The following SMG9 variants were observed in gnomAD, a reference collection of about 807,000 sequenced individuals.
SMG9 encodes nonsense-mediated mRNA decay factor SMG9.
SMG9 carries 55 observed loss-of-function variants against 64.0 expected under a neutral mutation model. The observed-to-expected ratio is 0.86, with a 90% CI of 0.69 to 1.08. The LOEUF is 1.08. Ranked by LOEUF, SMG9 falls within the 50% of genes least tolerant of loss-of-function variation. SMG9 has a pLI of 0.00. For synonymous variants in SMG9, 244 were observed against 254.8 expected (o/e 0.96, Z 0.41); for missense variants, 554 against 681.3 (o/e 0.81, Z 2.08).
intron 1 of SMG9, among the ~76,000 whole-genome samples, chr19:43,753,768 G>A (rs1969266305): frequency 6.6e-6 from 1 of 151,952 alleles, no homozygotes; most frequent in African/African-American, 2.4e-5. Context: ...GCCTCCCTGT[G>A]CCCTTTATTC....
chr19:43,737,785 G>T, intron 8 of SMG9, 103 bp from the exon 9 acceptor site: 1 of 1,128,872 alleles, frequency 8.9e-7, no homozygotes, highest in Non-Finnish European at 1.3e-6. Context: ...AAGGCAAGGA[G>T]CCTTCAAGCA....
intron 9 of SMG9, among the ~76,000 whole-genome samples, chr19:43,736,196 T>G (rs1167276014): frequency 6.6e-6 from 1 of 152,262 alleles, no homozygotes; most frequent in African/African-American, 2.4e-5. Flanking sequence ...TAACAGGGAC[T>G]AAGCTGAATG....
In SMG9 at chr19:43,731,255, G is replaced by A; in HGVS notation, c.*341C>T. 9.0e-7 allele frequency: 1 copy of A among 1,105,830 alleles called. No individual in the cohort carries two copies. Among genetic ancestry groups the A allele is most frequent in the South Asian group, 3.0e-5 (1 of 33,330 alleles). The allele number at this position is 1,105,830 out of a possible 1,614,324, so 68.5% of individuals were successfully genotyped here. On this transcript the variant is annotated 3_prime_UTR_variant, in exon 14 of 14. Transcript: ENST00000270066. ...GAAGGGCTTAGAGTCAGGGAAGAGGGGCCTGTTGCTCCTGTCCCTGAAAAA... is the reference window on the plus strand; with the variant it reads ...GAAGGGCTTAGAGTCAGGGAAGAGGAGCCTGTTGCTCCTGTCCCTGAAAAA...
At chr19:43,750,535 G>A (rs1188334515) in intron 2 of SMG9, 57 bp downstream of exon 2, 12 of 1,542,056 alleles carry the variant, frequency 7.8e-6, no homozygotes, top group South Asian at 3.7e-5. Flanking sequence ...CTGGCACATG[G>A]CAGGTGCGTG....
At chr19:43,750,105 C>T in intron 2 of SMG9, 1 of 519,472 alleles carries the variant, frequency 1.9e-6, no homozygotes, top group South Asian at 1.4e-5. Context: ...TATGGCACCT[C>T]TCAGCTCAAA....
intron 2 of SMG9, among the ~76,000 whole-genome samples, 157 bp downstream of exon 2, chr19:43,750,435 G>T (rs944103626): frequency 6.6e-6 from 1 of 152,200 alleles, no homozygotes; most frequent in Non-Finnish European, 1.5e-5. Context: ...ATGTTATCTA[G>T]AACAGTCTCC....
chr19:43,744,379 T>A (rs1214596068), intron 6 of SMG9, among the ~76,000 whole-genome samples: 1 of 152,198 alleles, frequency 6.6e-6, no homozygotes, highest in Non-Finnish European at 1.5e-5. Flanking sequence ...GATCTTATTT[T>A]ATTCTCCAAA....
chr19:43,734,154 C>G, intron 10 of SMG9: 1 of 564,718 alleles, frequency 1.8e-6, no homozygotes, highest in Non-Finnish European at 3.2e-6. Flanking sequence ...GGGGCCTGTC[C>G]CATTCCAGAC....
Position 43,731,532 on chromosome 19 carries a change from T to A in SMG9, c.*64A>T. 6.2e-7 allele frequency: 1 copy of A among 1,606,106 alleles called. No individual in the cohort carries two copies. Among genetic ancestry groups the A allele is most frequent in the South Asian group, 1.1e-5 (1 of 90,640 alleles). On this transcript the variant is annotated 3_prime_UTR_variant, in exon 14 of 14. Coordinates refer to ENST00000270066, the MANE Select transcript of SMG9 (RefSeq NM_019108.4). ...TCCACCCCAGCGGGGGATGGACATC[T>A]GTGCTCCCTCGCAGTACACTGCGGA...
At chr19:43,752,711 A>T (rs953092028) in intron 1 of SMG9, among the ~76,000 whole-genome samples, 5 of 152,100 alleles carry the variant, frequency 3.3e-5, no homozygotes, top group Admixed American at 2.6e-4. Flanking sequence ...CAGCTTGGGC[A>T]ACATAGCAAG....
chr19:43,738,228 G>A lies in SMG9; in HGVS notation c.814-11C>T, dbSNP rs751628206. On this transcript the variant is annotated splice_polypyrimidine_tract_variant and intron_variant, in intron 7 of 13. Transcript: ENST00000270066. Reference sequence around the variant, plus strand: ...AGGGCTCAGGATGGGCTGCAGCAAGGAAGAGAACAGAGTGTCACTCAGATA... The same window carrying A: ...AGGGCTCAGGATGGGCTGCAGCAAGAAAGAGAACAGAGTGTCACTCAGATA... The A allele has an allele frequency of 1.1e-5, 18 of 1,612,442 alleles. No individual in the cohort carries two copies. In the South Asian group the frequency reaches 1.9e-4, roughly 17 times the overall value.
chr19:43,735,389 G>A (rs894637658), intron 9 of SMG9, among the ~76,000 whole-genome samples: 6 of 152,008 alleles, frequency 3.9e-5, no homozygotes, highest in East Asian at 3.9e-4. Flanking sequence ...GAGCTGAGGC[G>A]GGCAGATCAC....
chr19:43,737,713 G>A lies in SMG9; in HGVS notation c.910-31C>T, dbSNP rs1286843404. ...GGTGGGCAGGATGGAAGGGAGGTGA[G>A]GACCTCTTCTGCCCAGACTAATCAG... On this transcript the variant is annotated intron_variant, in intron 8 of 13. Transcript: ENST00000270066. 8.7e-6 allele frequency: 14 copies of A among 1,607,704 alleles called. No homozygotes were observed. In the East Asian group the frequency reaches 2.9e-4, roughly 33 times the overall value.
chr19:43,751,093 G>T (rs747033418), intron 1 of SMG9, among the ~76,000 whole-genome samples: 1 of 151,686 alleles, frequency 6.6e-6, no homozygotes, highest in South Asian at 2.1e-4. Context: ...CCAAAGTGCT[G>T]GGATTACAGA....
chr19:43,729,099 C>T lies in SMG9; in HGVS notation c.*2497G>A, dbSNP rs1464086416. ...GACCGGTACATACTTACCCACTGTT[C>T]AGAAGGCTACTGCCAGTTTGACTCC... On this transcript the variant is annotated 3_prime_UTR_variant, in exon 14 of 14. Transcript: ENST00000270066. 8 of 926,370 alleles carry T rather than the reference C, an allele frequency of 8.6e-6. No homozygotes were observed. Among genetic ancestry groups the T allele is most frequent in the Non-Finnish European group, 1.0e-5 (8 of 776,140 alleles). 57.4% of individuals were successfully genotyped at this position (926,370 alleles called of 1,614,324 possible).
chr19:43,742,116 C>T (rs933673044), intron 6 of SMG9, among the ~76,000 whole-genome samples: 11 of 152,104 alleles, frequency 7.2e-5, no homozygotes, highest in Admixed American at 2.6e-4. Context: ...CCACTGCACT[C>T]CACCCTGGGT....
chr19:43,733,494 G>C, intron 11 of SMG9, 42 bp from the exon 12 acceptor site: 1 of 1,613,046 alleles, frequency 6.2e-7, no homozygotes, highest in Non-Finnish European at 8.5e-7. Flanking sequence ...CCATGTTGTG[G>C]GTTTGGGGAG....
intron 2 of SMG9, chr19:43,750,052 T>TA: frequency 2.2e-6 from 1 of 459,610 alleles, no homozygotes; most frequent in Admixed American, 2.3e-5. Flanking sequence ...GTAAAAAGAG[T>TA]AACAGTTGTT....
In SMG9 at chr19:43,754,640, C is replaced by T. The variant is rs1034452036; in HGVS notation, c.-7+14G>A. ...CCGGTGCGCTAGCCTCGCGCGGGCTCGCGGCCCCCTTACCTAACGCGGCTG... is the reference window on the plus strand; with the variant it reads ...CCGGTGCGCTAGCCTCGCGCGGGCTTGCGGCCCCCTTACCTAACGCGGCTG... On this transcript the variant is annotated intron_variant, in intron 1 of 13. Coordinates refer to ENST00000270066, the MANE Select transcript of SMG9 (RefSeq NM_019108.4). The T allele has an allele frequency of 6.6e-6, 1 of 151,730 alleles. No homozygotes were observed. The highest frequency in any genetic ancestry group is 6.6e-5 in the Admixed American group (1 of 15,242). 9.4% of individuals were successfully genotyped at this position (151,730 alleles called of 1,614,324 possible). A position where few individuals can be genotyped will look rare whatever the true frequency, so the allele number is the denominator to read the frequency against.
Sources: allele counts gnomAD v4.1 joint callset (sites outside exome capture counted in the v4.1 genomes callset), GRCh38; gene constraint gnomAD v4.1.1; transcripts MANE v1.5; gene names NCBI Gene and HGNC (gene_info 2026-07-23, HGNC 2026-07-21).